PLEKHM1: variants seen among roughly 807,000 people sequenced by gnomAD.
The protein encoded by PLEKHM1 is pleckstrin homology and RUN domain containing M1.
In PLEKHM1, 28 loss-of-function variants were observed where a neutral mutation model predicts 94.3. That is an observed-to-expected ratio of 0.30 (90% CI 0.22 to 0.41). PLEKHM1 has a LOEUF of 0.41. Ranked by LOEUF, PLEKHM1 falls within the 10% of genes least tolerant of loss-of-function variation. The pLI, the probability that PLEKHM1 is intolerant of heterozygous loss-of-function variation, is 1.00. For synonymous variants in PLEKHM1, 424 were observed against 581.2 expected (o/e 0.73, Z 3.89); for missense variants, 907 against 1,358.6 (o/e 0.67, Z 5.22).
At chr17:45,472,622 G>A (rs2145304008) in intron 4 of PLEKHM1, among the ~76,000 whole-genome samples, 1 of 152,278 alleles carries the variant, frequency 6.6e-6, no homozygotes, top group East Asian at 1.9e-4. Context: ...GGCAGACACT[G>A]TTCCTCCCCA....
rs888568247 is a variant in PLEKHM1 at position 45,469,091 on chromosome 17, TC to T, written c.924-499del. On this transcript the variant is annotated intron_variant, in intron 4 of 11. Transcript: ENST00000430334. Reference sequence around the variant, plus strand: ...TTTCCTAAGCAAGGTCATACTTTGTTCCTGTGCAGGCACTGGGACAGCAAGG... The same window carrying T: ...TTTCCTAAGCAAGGTCATACTTTGTTCTGTGCAGGCACTGGGACAGCAAGG... 1.5e-4 allele frequency among the ~76,000 whole-genome samples: 22 copies of T among 151,542 alleles called. 1 individual carries two copies. Among genetic ancestry groups the T allele is most frequent in the African/African-American group, 5.3e-4 (22 of 41,430 alleles).
chr17:45,474,659 TTTG>T (rs1486865521), intron 4 of PLEKHM1, among the ~76,000 whole-genome samples: 1 of 152,246 alleles, frequency 6.6e-6, no homozygotes, highest in Non-Finnish European at 1.5e-5. Flanking sequence ...ATCTTGTTTT[TTTG>T]TTGTTATTGT....
At position 45,489,961 on chromosome 17, in the gene PLEKHM1, T is replaced by A. The variant is rs141661486; in HGVS notation, c.-42+691A>T. On this transcript the variant is annotated intron_variant, in intron 1 of 11. Transcript: ENST00000430334. ...AGTTCGGGACAGTTTGGCAAAGACTTAGGGATGGGCTGTCCTCAGTACGGC... is the reference window on the plus strand; with the variant it reads ...AGTTCGGGACAGTTTGGCAAAGACTAAGGGATGGGCTGTCCTCAGTACGGC... 3.4e-3 allele frequency among the ~76,000 whole-genome samples: 521 copies of A among 152,076 alleles called. 2 individuals carry two copies. Among genetic ancestry groups the A allele is most frequent in the Middle Eastern group, 6.8e-3 (2 of 294 alleles).
At chr17:45,447,388 C>T (rs974004018) in intron 8 of PLEKHM1, among the ~76,000 whole-genome samples, 72 of 152,278 alleles carry the variant, frequency 4.7e-4, no homozygotes, top group Non-Finnish European at 7.3e-5. Context: ...TGCTGTTCTC[C>T]AGTCCTAACT....
intron 1 of PLEKHM1, 100 bp from the exon 2 acceptor site, chr17:45,482,625 ACTGC>A: frequency 1.4e-6 from 1 of 722,056 alleles, no homozygotes; most frequent in Admixed American, 2.0e-5. Flanking sequence ...TCTTACTCAA[ACTGC>A]AACCAAAAAG....
rs373451382 is a variant in PLEKHM1, at chr17:45,471,126, G to A, written c.924-2533C>T. 3.9e-4 allele frequency among the ~76,000 whole-genome samples: 59 copies of A among 152,062 alleles called. No homozygotes were observed. The East Asian group carries it at 0.01, about 26-fold the overall frequency. ...AAGACAAATAACTAAATGTTTAAAT[G>A]GGCAAACGATCTGAACAGACATTTC... On this transcript the variant is annotated intron_variant, in intron 4 of 11. Coordinates refer to ENST00000430334, the MANE Select transcript of PLEKHM1 (RefSeq NM_014798.3).
chr17:45,438,848 C>T (rs1372630300), intron 11 of PLEKHM1, among the ~76,000 whole-genome samples: 2 of 152,200 alleles, frequency 1.3e-5, no homozygotes, highest in Admixed American at 6.5e-5. Flanking sequence ...TGAGCCACCA[C>T]GCCCGGCCAA....
intron 1 of PLEKHM1, among the ~76,000 whole-genome samples, chr17:45,489,772 GGC>G (rs1472113700): frequency 6.6e-6 from 1 of 152,174 alleles, no homozygotes; most frequent in African/African-American, 2.4e-5. Flanking sequence ...GGAGTTGGCA[GGC>G]GACTCTGCAC....
At position 45,437,334 on chromosome 17, in the gene PLEKHM1, C is replaced by T. The variant is rs1209605652; in HGVS notation, c.*524G>A. 1.1e-5 allele frequency: 5 copies of T among 454,112 alleles called. No individual in the cohort carries two copies. In the Admixed American group the frequency reaches 1.2e-4, roughly 11 times the overall value. 28.1% of individuals were successfully genotyped at this position (454,112 alleles called of 1,614,324 possible). A position where few individuals can be genotyped will look rare whatever the true frequency, so the allele number is the denominator to read the frequency against. ...CAGCAGTGGCCTGCCCACCAGCCACCCGCTACCTCTAAGCCAGGCCTGAGT... is the reference window on the plus strand; with the variant it reads ...CAGCAGTGGCCTGCCCACCAGCCACTCGCTACCTCTAAGCCAGGCCTGAGT... On this transcript the variant is annotated 3_prime_UTR_variant, in exon 12 of 12. Transcript: ENST00000430334. The surrounding 1 kb of genome is among the most constrained non-coding windows in gnomAD (Gnocchi z 4.0).
downstream of PLEKHM1, among the ~76,000 whole-genome samples, chr17:45,434,599 T>C (rs955240240): frequency 5.9e-5 from 9 of 151,704 alleles, no homozygotes; most frequent in Admixed American, 5.3e-4. Context: ...GCACCCGCCA[T>C]CATGCCCAGT....
intron 5 of PLEKHM1, among the ~76,000 whole-genome samples, chr17:45,463,031 G>A (rs1452128957): frequency 2.7e-5 from 4 of 148,372 alleles, no homozygotes; most frequent in South Asian, 2.1e-4. Flanking sequence ...GCAGTGAGCC[G>A]AGATGGATGG....
intron 4 of PLEKHM1, among the ~76,000 whole-genome samples, chr17:45,470,584 A>G (rs1249746031): frequency 6.6e-6 from 1 of 151,964 alleles, no homozygotes; most frequent in African/African-American, 2.4e-5. Context: ...AGCCGAGATC[A>G]CACCACTGCA....
At chr17:45,480,254 G>C (rs1283442010) in intron 2 of PLEKHM1, among the ~76,000 whole-genome samples, 1 of 152,172 alleles carries the variant, frequency 6.6e-6, no homozygotes, top group Non-Finnish European at 1.5e-5. Flanking sequence ...AGGCCAAGAC[G>C]AGTGGATCAC....
intron 1 of PLEKHM1, among the ~76,000 whole-genome samples, chr17:45,482,883 G>A (rs1305943158): frequency 6.6e-6 from 1 of 151,472 alleles, no homozygotes; most frequent in Non-Finnish European, 1.5e-5. Context: ...CTGCAGGTTC[G>A]AGGGGGAGGC....
chr17:45,475,879 G>A (rs2051714500), intron 3 of PLEKHM1, 153 bp from the exon 4 acceptor site: 1 of 834,596 alleles, frequency 1.2e-6, no homozygotes, highest in South Asian at 1.5e-5. Flanking sequence ...CAGATGTGGT[G>A]GCTCACACCT....
chr17:45,461,173 G>C (rs1414604087), intron 5 of PLEKHM1, among the ~76,000 whole-genome samples: 2 of 152,162 alleles, frequency 1.3e-5, no homozygotes, highest in African/African-American at 2.4e-5. Context: ...AGGCATGAGC[G>C]ACCGCGCCCA....
At position 45,439,452 on chromosome 17, in the gene PLEKHM1, G is replaced by A. The variant is rs1000349429; in HGVS notation, c.3059+25C>T. On this transcript the variant is annotated intron_variant, in intron 11 of 11. Transcript: ENST00000430334. Reference sequence around the variant, plus strand: ...GTGTGGGGAAGGGTGGGGCTGGAAGGCGGCTGGCTGGGTGTCCCGCATACC... The same window carrying A: ...GTGTGGGGAAGGGTGGGGCTGGAAGACGGCTGGCTGGGTGTCCCGCATACC... 6 of 1,613,776 alleles carry A rather than the reference G, an allele frequency of 3.7e-6. No individual in the cohort carries two copies. In the African/African-American group the frequency reaches 8.0e-5, roughly 22 times the overall value.
intron 2 of PLEKHM1, among the ~76,000 whole-genome samples, chr17:45,480,246 G>A (rs62065437): frequency 0.13 from 19,709 of 152,248 alleles, 1,600 homozygotes; most frequent in Middle Eastern, 0.21. Context: ...ACTTCGGGAG[G>A]CCAAGACGAG....
intron 1 of PLEKHM1, among the ~76,000 whole-genome samples, chr17:45,486,590 A>G (rs1307225944): frequency 1.3e-5 from 2 of 152,090 alleles, no homozygotes; most frequent in African/African-American, 4.8e-5. Context: ...AAAAATTAAT[A>G]ATAATAAACT....
Sources: allele counts gnomAD v4.1 joint callset (sites outside exome capture counted in the v4.1 genomes callset), GRCh38; gene constraint gnomAD v4.1.1; non-coding constraint Gnocchi (gnomAD v3.1); transcripts MANE v1.5; gene names NCBI Gene and HGNC (gene_info 2026-07-23, HGNC 2026-07-21).